RPS19: variants seen among roughly 807,000 people sequenced by gnomAD.
RPS19 encodes small ribosomal subunit protein eS19.
Under a neutral mutation model 20.3 loss-of-function variants are expected in RPS19, and 1 was observed. The ratio of observed to expected loss-of-function variants is 0.05; its 90% CI spans 0.02 to 0.23. The LOEUF (loss-of-function observed/expected upper bound fraction) is 0.23, where lower values mean the gene tolerates loss of function less well. Ranked by LOEUF, RPS19 falls within the 10% of genes least tolerant of loss-of-function variation. The probability of loss-of-function intolerance (pLI) is 1.00; values close to 1 mark genes in which losing one functional copy is unlikely to be tolerated. For synonymous variants in RPS19, 87 were observed against 74.8 expected (o/e 1.16, Z -0.84); for missense variants, 111 against 192.7 (o/e 0.58, Z 2.51).
intron 5 of RPS19, 91 bp from the exon 6 acceptor site, chr19:41,871,260 C>T: frequency 9.1e-7 from 1 of 1,098,440 alleles, no homozygotes; most frequent in Non-Finnish European, 1.4e-6. Context: ...AATCGGGGTG[C>T]CCACCTGTGG....
At chr19:41,862,502 C>T (rs1244456911) in intron 3 of RPS19, among the ~76,000 whole-genome samples, 1 of 152,192 alleles carries the variant, frequency 6.6e-6, no homozygotes, top group African/African-American at 2.4e-5. Context: ...CCCCATCTTG[C>T]TTTGGCAGTG....
chr19:41,861,173 C>G lies in RPS19; in HGVS notation c.133C>G (p.Leu45Val). ...DTVKLAKHKE[L>V]APYDENWFYT... ...CGTCAAGCTGGCCAAGCACAAAGAG[C>G]TTGCTCCCTACGATGAGAACTGGTT... The change falls in exon 3 of 6, where the codon CTT becomes GTT. Residue 45 changes from leucine (L) to valine (V), a missense_variant. Leu to Val is a conservative substitution (Grantham distance 32). Transcript: ENST00000598742. 6.2e-7 allele frequency: 1 copy of G among 1,614,092 alleles called. No individual in the cohort carries two copies. Among genetic ancestry groups the G allele is most frequent in the Non-Finnish European group, 8.5e-7 (1 of 1,179,994 alleles).
chr19:41,863,696 G>A (rs186379802), intron 3 of RPS19, among the ~76,000 whole-genome samples: 3 of 152,242 alleles, frequency 2.0e-5, no homozygotes, highest in Non-Finnish European at 4.4e-5. Context: ...GAGCAGAGCT[G>A]TAGGAGTAAG....
intron 3 of RPS19, among the ~76,000 whole-genome samples, chr19:41,865,674 C>T (rs7259596): frequency 0.41 from 62,913 of 151,780 alleles, 15,105 homozygotes; most frequent in Middle Eastern, 0.67. Context: ...AGAGGCCCGG[C>T]GCGGTGGCTC....
At chr19:41,868,596 A>G (rs111503036) in intron 3 of RPS19, among the ~76,000 whole-genome samples, 1,779 of 152,226 alleles carry the variant, frequency 0.012, 34 homozygotes, top group African/African-American at 0.037. Context: ...ACACATTCCA[A>G]GCAGGGGGCA....
In RPS19 at chr19:41,869,214, G is replaced by T; in HGVS notation, c.356G>T (p.Gly119Val). 1 of 1,612,868 alleles carries T rather than the reference G, an allele frequency of 6.2e-7. No individual in the cohort carries two copies. The highest frequency in any genetic ancestry group is 8.5e-7 in the Non-Finnish European group (1 of 1,179,518). The change falls in exon 4 of 6, where the codon GGC becomes GTC. Residue 119 changes from glycine (G) to valine (V), a missense_variant and splice_region_variant. Transcript: ENST00000598742. ...AAAATGGTGGAAAAGGACCAAGATGGGTAAGCAGGGTAGAGGGGGCTGCAT... is the reference window on the plus strand; with the variant it reads ...AAAATGGTGGAAAAGGACCAAGATGTGTAAGCAGGGTAGAGGGGGCTGCAT... ...GLKMVEKDQDGGRKLTPQGQR... is the reference protein window; with the variant it reads ...GLKMVEKDQDVGRKLTPQGQR...
At chr19:41,865,141 C>T (rs2074071643) in intron 3 of RPS19, among the ~76,000 whole-genome samples, 1 of 152,050 alleles carries the variant, frequency 6.6e-6, no homozygotes, top group Admixed American at 6.6e-5. Flanking sequence ...CCAAGGCAGG[C>T]GGATCACCTG....
chr19:41,860,970 C>T (rs1274470031), intron 2 of RPS19, 125 bp downstream of exon 2: 4 of 1,111,432 alleles, frequency 3.6e-6, no homozygotes, highest in Non-Finnish European at 4.1e-6. Context: ...CTCCTTTCAG[C>T]GTGAGGCCTG....
chr19:41,871,284 A>G, intron 5 of RPS19, 67 bp from the exon 6 acceptor site: 3 of 1,410,318 alleles, frequency 2.1e-6, no homozygotes, highest in Admixed American at 1.7e-5. Context: ...GTAGTTAGGT[A>G]GCTGTTACAA....
intron 1 of RPS19, 24 bp from the exon 2 acceptor site, chr19:41,860,751 C>A: frequency 6.3e-7 from 1 of 1,591,194 alleles, no homozygotes; most frequent in East Asian, 2.2e-5. Flanking sequence ...GGCCTGTGTT[C>A]ACATGCTTGA....
intron 5 of RPS19, among the ~76,000 whole-genome samples, chr19:41,870,034 G>A (rs575812393): frequency 6.6e-6 from 1 of 152,230 alleles, no homozygotes; most frequent in Admixed American, 6.5e-5. Flanking sequence ...TCTGAGGTCA[G>A]GAGTTCAAGA....
Position 41,871,663 on chromosome 19 carries a change from G to A in RPS19, c.*286G>A, listed in dbSNP as rs1230093014. 1 of 429,636 alleles carries A rather than the reference G, an allele frequency of 2.3e-6. No individual in the cohort carries two copies. Among genetic ancestry groups the A allele is most frequent in the Non-Finnish European group, 4.3e-6 (1 of 234,286 alleles). 26.6% of individuals were successfully genotyped at this position (429,636 alleles called of 1,614,324 possible). A position where few individuals can be genotyped will look rare whatever the true frequency, so the allele number is the denominator to read the frequency against. On this transcript the variant is annotated 3_prime_UTR_variant, in exon 6 of 6. Transcript: ENST00000598742. ...TCCCTTGGGTGAGGGGGCCCAGGGT[G>A]ATTGGGTGGCTGTTTACCCGGCAGC...
chr19:41,866,877 C>T (rs972287901), intron 3 of RPS19, among the ~76,000 whole-genome samples: 3 of 152,036 alleles, frequency 2.0e-5, no homozygotes, highest in East Asian at 3.9e-4. Flanking sequence ...ATTAGCCAGG[C>T]GTGGTGGCGG....
intron 2 of RPS19, 97 bp downstream of exon 2, chr19:41,860,942 T>C: frequency 8.2e-7 from 1 of 1,220,072 alleles, no homozygotes; most frequent in South Asian, 1.2e-5. Context: ...AGGCGAGGCT[T>C]GTTTGGGGCC....
chr19:41,867,037 G>T (rs1238023702), intron 3 of RPS19, among the ~76,000 whole-genome samples: 1 of 150,456 alleles, frequency 6.6e-6, no homozygotes, highest in Non-Finnish European at 1.5e-5. Context: ...AAAATATCGG[G>T]GCCAGCACAG....
At chr19:41,869,606 C>A in intron 4 of RPS19, 93 bp from the exon 5 acceptor site, 1 of 1,429,364 alleles carries the variant, frequency 7.0e-7, no homozygotes, top group Non-Finnish European at 9.8e-7. Flanking sequence ...CGGCAGGTGG[C>A]TTTTTGAGAA....
chr19:41,864,891 AG>A (rs2123270913), intron 3 of RPS19: 1 of 152,334 alleles, frequency 6.6e-6, no homozygotes, highest in Non-Finnish European at 1.5e-5. Flanking sequence ...CCAGGGGGTG[AG>A]GAAAAAGGTC....
At chr19:41,865,097 C>T (rs182197578) in intron 3 of RPS19, among the ~76,000 whole-genome samples, 3 of 152,266 alleles carry the variant, frequency 2.0e-5, no homozygotes, top group East Asian at 1.9e-4. Flanking sequence ...AAAATTTAAG[C>T]CTCCATTGAA....
rs538220023 is a variant in RPS19 at position 41,865,394 on chromosome 19, T to A, written c.173-3637T>A. Among the ~76,000 whole-genome samples the A allele has an allele frequency of 6.0e-5, 9 of 149,478 alleles. No individual in the cohort carries two copies. The South Asian group carries it at 1.9e-3, about 32-fold the overall frequency. ...AAAAAAAAAAGCACCTAATAGGCCT[T>A]ATGGGAGCTTGTTCTCTACCAGTCA... On this transcript the variant is annotated intron_variant, in intron 3 of 5. Transcript: ENST00000598742.
Sources: gnomAD v4.1 joint callset for allele counts (sites outside exome capture counted in the v4.1 genomes callset) on GRCh38, gnomAD v4.1.1 for gene constraint, MANE v1.5 for transcripts, NCBI Gene and HGNC (gene_info 2026-07-23, HGNC 2026-07-21) for gene names.